The following GABRA4 variants were observed in gnomAD, a reference collection of about 807,000 sequenced individuals.
GABRA4 encodes gamma-aminobutyric acid type A receptor subunit alpha4.
GABRA4 carries 12 observed loss-of-function variants against 49.7 expected under a neutral mutation model. The ratio of observed to expected loss-of-function variants is 0.24; its 90% CI spans 0.15 to 0.39. GABRA4 has a LOEUF of 0.39. Ranked by LOEUF, GABRA4 falls within the 10% of genes least tolerant of loss-of-function variation. GABRA4 has a pLI of 1.00. For synonymous variants in GABRA4, 288 were observed against 240.2 expected (o/e 1.20, Z -1.84); for missense variants, 506 against 686.0 (o/e 0.74, Z 2.93).
intron 8 of GABRA4, among the ~76,000 whole-genome samples, chr4:46,942,626 G>GAAA (rs752581585): frequency 1.8e-5 from 2 of 110,650 alleles, no homozygotes; most frequent in East Asian, 2.4e-4. Flanking sequence ...CTCTGTCTCA[G>GAAA]AAAAAAAAAA....
chr4:46,992,748 G>A, intron 2 of GABRA4, 80 bp downstream of exon 2: 1 of 1,009,870 alleles, frequency 9.9e-7, no homozygotes, highest in Non-Finnish European at 1.6e-6. Context: ...CATACCTAAT[G>A]ATATTCCCAC....
chr4:46,920,740 C>T lies in GABRA4; in HGVS notation c.*7485G>A, dbSNP rs996505670. The T allele has an allele frequency of 5.3e-5, 8 of 151,386 alleles. No homozygotes were observed. The highest frequency in any genetic ancestry group is 1.2e-4 in the Non-Finnish European group (8 of 67,702). 9.4% of individuals were successfully genotyped at this position (151,386 alleles called of 1,614,324 possible). A position where few individuals can be genotyped will look rare whatever the true frequency, so the allele number is the denominator to read the frequency against. On this transcript the variant is annotated 3_prime_UTR_variant, in exon 9 of 9. Transcript: ENST00000264318. ...TTATATCTTATAGCAACTAGATTTGCATGGGATAAGTAAAAGTAATGAAAA... is the reference window on the plus strand; with the variant it reads ...TTATATCTTATAGCAACTAGATTTGTATGGGATAAGTAAAAGTAATGAAAA...
At chr4:46,977,180 T>A (rs1469234862) in intron 4 of GABRA4, 37 bp from the exon 5 acceptor site, 6 of 1,370,344 alleles carry the variant, frequency 4.4e-6, no homozygotes, top group Non-Finnish European at 6.2e-6. Context: ...AATCAACCCT[T>A]TTAAAGAATA....
chr4:46,924,047 A>G lies in GABRA4; in HGVS notation c.*4178T>C, dbSNP rs1178201493. The stretch of plus-strand genomic sequence containing the variant: ...GGCTATAAGAACTCCAAATCATTCT[A>G]TAAAATTTAGCTTAAGATTATATCT... On this transcript the variant is annotated 3_prime_UTR_variant, in exon 9 of 9. Coordinates refer to ENST00000264318, the MANE Select transcript of GABRA4 (RefSeq NM_000809.4). 1 of 152,102 alleles carries G rather than the reference A, an allele frequency of 6.6e-6. No individual in the cohort carries two copies. Among genetic ancestry groups the G allele is most frequent in the Non-Finnish European group, 1.5e-5 (1 of 68,016 alleles). 9.4% of individuals were successfully genotyped at this position (152,102 alleles called of 1,614,324 possible). A position where few individuals can be genotyped will look rare whatever the true frequency, so the allele number is the denominator to read the frequency against.
At chr4:46,980,769 T>C (rs1723330013) in intron 2 of GABRA4, among the ~76,000 whole-genome samples, 1 of 152,092 alleles carries the variant, frequency 6.6e-6, no homozygotes, top group East Asian at 1.9e-4. Context: ...AGGAAGCAGG[T>C]AATGTGTGCT....
chr4:46,941,980 A>G (rs1014073725), intron 8 of GABRA4, among the ~76,000 whole-genome samples: 2 of 152,168 alleles, frequency 1.3e-5, no homozygotes, highest in African/African-American at 2.4e-5. Flanking sequence ...AAAATATAGC[A>G]TGCTAAAATT....
chr4:46,950,687 G>A (rs552806512), intron 8 of GABRA4, among the ~76,000 whole-genome samples: 3 of 128,342 alleles, frequency 2.3e-5, no homozygotes, highest in Admixed American at 8.3e-5. Context: ...GCCCTCCCAC[G>A]TTTTTTTAAG....
intron 8 of GABRA4, among the ~76,000 whole-genome samples, chr4:46,937,551 C>T (rs1313637558): frequency 1.3e-5 from 2 of 152,034 alleles, no homozygotes; most frequent in African/African-American, 4.8e-5. Flanking sequence ...TTTCTGGTAA[C>T]CCCAAAATTC....
At chr4:46,974,509 AT>A in intron 5 of GABRA4, 134 bp from the exon 6 acceptor site, 1 of 829,704 alleles carries the variant, frequency 1.2e-6, no homozygotes, top group Non-Finnish European at 1.7e-6. Context: ...TTTAGTCACT[AT>A]AATTTAGTTC....
At chr4:46,985,282 T>A (rs1454613551) in intron 2 of GABRA4, among the ~76,000 whole-genome samples, 2 of 152,004 alleles carry the variant, frequency 1.3e-5, no homozygotes, top group African/African-American at 4.8e-5. Context: ...GGACTTAAAA[T>A]CATGGTTATT....
chr4:46,954,352 T>A (rs149401808), intron 8 of GABRA4, among the ~76,000 whole-genome samples: 1 of 151,736 alleles, frequency 6.6e-6, no homozygotes, highest in Admixed American at 6.6e-5. Context: ...AGGTCAGGAG[T>A]TCGAGACCAG....
At chr4:46,968,291 G>T (rs1722836164) in intron 7 of GABRA4, among the ~76,000 whole-genome samples, 1 of 151,194 alleles carries the variant, frequency 6.6e-6, no homozygotes. Flanking sequence ...GGTCTTTGAA[G>T]ACTTAATTAC....
intron 8 of GABRA4, among the ~76,000 whole-genome samples, chr4:46,932,515 A>T (rs1721473609): frequency 6.6e-6 from 1 of 152,150 alleles, no homozygotes; most frequent in Non-Finnish European, 1.5e-5. Context: ...ATCAGAAAAA[A>T]ATACAGCATG....
At chr4:46,936,743 C>A (rs548376259) in intron 8 of GABRA4, among the ~76,000 whole-genome samples, 1 of 152,310 alleles carries the variant, frequency 6.6e-6, no homozygotes, top group South Asian at 2.1e-4. Flanking sequence ...TTGGCTGGGC[C>A]TCTTTCTAAA....
intron 6 of GABRA4, among the ~76,000 whole-genome samples, chr4:46,972,471 G>A (rs961906461): frequency 1.3e-5 from 2 of 151,496 alleles, no homozygotes; most frequent in East Asian, 1.9e-4. Context: ...ACAAAAAGCT[G>A]TACATATTTA....
chr4:46,979,460 T>G (rs1203086172), intron 2 of GABRA4, among the ~76,000 whole-genome samples: 10 of 151,992 alleles, frequency 6.6e-5, no homozygotes, highest in Non-Finnish European at 2.9e-5. Flanking sequence ...AAGTGAGCTG[T>G]TAAAAAGGGG....
intron 8 of GABRA4, among the ~76,000 whole-genome samples, chr4:46,963,671 G>T (rs1475610053): frequency 6.6e-6 from 1 of 151,798 alleles, no homozygotes; most frequent in Non-Finnish European, 1.5e-5. Context: ...CTCAAAAGAA[G>T]ACATGGAAAT....
chr4:46,971,287 C>T, intron 6 of GABRA4, 52 bp from the exon 7 acceptor site: 2 of 1,511,724 alleles, frequency 1.3e-6, no homozygotes, highest in Middle Eastern at 1.7e-4. Flanking sequence ...GGCAATTAGT[C>T]AATGGCTTCA....
chr4:46,932,063 G>GGGA (rs1168719108), intron 8 of GABRA4, among the ~76,000 whole-genome samples: 1 of 152,068 alleles, frequency 6.6e-6, no homozygotes, highest in Non-Finnish European at 1.5e-5. Context: ...AGGTCCTGAT[G>GGGA]GGAGGTGCTG....
Sources: allele counts gnomAD v4.1 joint callset (sites outside exome capture counted in the v4.1 genomes callset), GRCh38; gene constraint gnomAD v4.1.1; transcripts MANE v1.5; gene names NCBI Gene and HGNC (gene_info 2026-07-23, HGNC 2026-07-21).